The following SGCZ variants were observed in gnomAD, a reference collection of about 807,000 sequenced individuals.
SGCZ encodes zeta-sarcoglycan.
In SGCZ, 40 loss-of-function variants were observed where a neutral mutation model predicts 41.3. The ratio of observed to expected loss-of-function variants is 0.97; its 90% CI spans 0.75 to 1.26. The LOEUF (loss-of-function observed/expected upper bound fraction) is 1.26. SGCZ is among the 50% of genes most tolerant of loss of function. The pLI is 0.00. For synonymous variants in SGCZ, 206 were observed against 137.5 expected, an observed-to-expected ratio of 1.50 and a Z score of -3.49; for missense variants, 552 against 369.8, an observed-to-expected ratio of 1.49 and a Z score of -4.04.
At chr8:14,235,081 T>C (rs1806707618) in intron 4 of SGCZ, among the ~76,000 whole-genome samples, 1 of 152,206 alleles carries the variant, frequency 6.6e-6, no homozygotes, top group African/African-American at 2.4e-5. Flanking sequence ...ACCATACTTC[T>C]TATAACAGCA....
chr8:14,797,922 C>T (rs1323539914), intron 1 of SGCZ, among the ~76,000 whole-genome samples: 1 of 152,192 alleles, frequency 6.6e-6, no homozygotes, highest in Non-Finnish European at 1.5e-5. Flanking sequence ...ACTGCAGGTA[C>T]ACAGAAGTCA....
At chr8:14,702,856 GATA>G (rs1563213114) in intron 1 of SGCZ, among the ~76,000 whole-genome samples, 2 of 147,326 alleles carry the variant, frequency 1.4e-5, no homozygotes, top group Non-Finnish European at 3.0e-5. Context: ...TAGATAGATA[GATA>G]GATAGATAGA....
At chr8:14,914,478 A>G (rs1479269413) in intron 1 of SGCZ, among the ~76,000 whole-genome samples, 1 of 152,042 alleles carries the variant, frequency 6.6e-6, no homozygotes, top group Non-Finnish European at 1.5e-5. Context: ...TTCGTGGCCC[A>G]CAAAGAAATA....
rs7829560 is a variant in SGCZ, at chr8:14,500,560, C to T, written c.234+54172G>A. On this transcript the variant is annotated intron_variant, in intron 2 of 7. Transcript: ENST00000382080. ...TCAAGATACAGCAAAAAAAGTCAAC[C>T]GTGAGTTTTCTGTGACTTTTGTGGA... Among the ~76,000 whole-genome samples the T allele has an allele frequency of 2.6e-5, 4 of 151,658 alleles. No individual in the cohort carries two copies. The East Asian group carries it at 7.8e-4, about 30-fold the overall frequency.
At chr8:14,646,040 T>G (rs993808667) in intron 1 of SGCZ, among the ~76,000 whole-genome samples, 1 of 151,902 alleles carries the variant, frequency 6.6e-6, no homozygotes, top group African/African-American at 2.4e-5. Context: ...GATAGTTTCC[T>G]TTTTTATTTT....
chr8:14,427,073 T>TGAAC (rs1170742845), intron 2 of SGCZ, among the ~76,000 whole-genome samples: 2 of 150,472 alleles, frequency 1.3e-5, no homozygotes, highest in East Asian at 3.9e-4. Context: ...AATGAGTGAA[T>TGAAC]GAACGAATGA....
intron 1 of SGCZ, among the ~76,000 whole-genome samples, chr8:15,166,187 T>C (rs1266760476): frequency 6.6e-6 from 1 of 152,078 alleles, no homozygotes; most frequent in Non-Finnish European, 1.5e-5. Flanking sequence ...AACAGGATTA[T>C]TTGACATGTT....
chr8:14,696,771 T>C (rs1808976862), intron 1 of SGCZ, among the ~76,000 whole-genome samples: 1 of 150,724 alleles, frequency 6.6e-6, no homozygotes, highest in Middle Eastern at 3.4e-3. Context: ...CATAAGTGTC[T>C]GTTTGCCAAA....
intron 2 of SGCZ, among the ~76,000 whole-genome samples, chr8:14,448,551 A>C (rs1305911521): frequency 6.6e-6 from 1 of 152,204 alleles, no homozygotes; most frequent in East Asian, 1.9e-4. Context: ...AAAATCATCT[A>C]TTTGGGAAAA....
At chr8:14,158,590 GA>G (rs1803947855) in intron 5 of SGCZ, among the ~76,000 whole-genome samples, 2 of 152,126 alleles carry the variant, frequency 1.3e-5, no homozygotes, top group African/African-American at 4.8e-5. Flanking sequence ...TCACAGTGGA[GA>G]AATTCAAGCC....
intron 2 of SGCZ, among the ~76,000 whole-genome samples, chr8:14,422,243 T>G (rs1334758208): frequency 6.6e-6 from 1 of 152,186 alleles, no homozygotes. Flanking sequence ...AAAGCAAATT[T>G]TCTCACAAGA....
At chr8:15,045,627 G>C (rs1301806565) in intron 1 of SGCZ, among the ~76,000 whole-genome samples, 1 of 152,026 alleles carries the variant, frequency 6.6e-6, no homozygotes, top group Non-Finnish European at 1.5e-5. Flanking sequence ...ATTTGTTTAT[G>C]TTTATATTCT....
At chr8:14,824,769 T>C (rs541277492) in intron 1 of SGCZ, among the ~76,000 whole-genome samples, 15 of 152,250 alleles carry the variant, frequency 9.9e-5, no homozygotes, top group Admixed American at 5.9e-4. Flanking sequence ...CCAAAATATC[T>C]TCTACATAAA....
In SGCZ at chr8:14,962,846, C is replaced by T. The variant is rs765809574; in HGVS notation, c.39+274739G>A. Among the ~76,000 whole-genome samples, 4 of 152,184 alleles carry T rather than the reference C, an allele frequency of 2.6e-5. No individual in the cohort carries two copies. In the East Asian group the frequency reaches 7.7e-4, roughly 29 times the overall value. The stretch of plus-strand genomic sequence containing the variant: ...CAGAACAAGGGAGCTTGAATCATTT[C>T]TGCCATATATTGTGAGAACAGTTTG... On this transcript the variant is annotated intron_variant, in intron 1 of 7. Transcript: ENST00000382080.
chr8:15,017,333 A>C (rs1252458362), intron 1 of SGCZ, among the ~76,000 whole-genome samples: 1 of 152,182 alleles, frequency 6.6e-6, no homozygotes, highest in African/African-American at 2.4e-5. Flanking sequence ...CCTGTATTGC[A>C]ACTGCTATGC....
At chr8:14,221,085 C>A (rs113872424) in intron 4 of SGCZ, among the ~76,000 whole-genome samples, 5 of 151,988 alleles carry the variant, frequency 3.3e-5, no homozygotes, top group African/African-American at 1.2e-4. Context: ...GGAGCCTTGA[C>A]GGAAAAAAAT....
chr8:14,641,402 A>G (rs2117429269), intron 1 of SGCZ, among the ~76,000 whole-genome samples: 1 of 151,848 alleles, frequency 6.6e-6, no homozygotes, highest in Non-Finnish European at 1.5e-5. Flanking sequence ...AAAAAATCGT[A>G]ACATTTGAAA....
chr8:15,042,963 G>A (rs1391666279), intron 1 of SGCZ, among the ~76,000 whole-genome samples: 2 of 152,128 alleles, frequency 1.3e-5, no homozygotes, highest in African/African-American at 4.8e-5. Flanking sequence ...GTCATAAACG[G>A]TTTCTCCAAA....
At chr8:15,166,802 A>G (rs1265419599) in intron 1 of SGCZ, among the ~76,000 whole-genome samples, 4 of 152,184 alleles carry the variant, frequency 2.6e-5, no homozygotes, top group African/African-American at 9.6e-5. Context: ...GGTGGTTTAT[A>G]ATGAGTTATA....
Sources: allele counts gnomAD v4.1 joint callset (sites outside exome capture counted in the v4.1 genomes callset), GRCh38; gene constraint gnomAD v4.1.1; transcripts MANE v1.5; gene names NCBI Gene and HGNC (gene_info 2026-07-23, HGNC 2026-07-21).